The following EFCAB13 variants were observed in gnomAD, a reference collection of about 807,000 sequenced individuals.
EFCAB13 encodes the protein EF-hand calcium binding domain 13.
In EFCAB13, 91 loss-of-function variants were observed where a neutral mutation model predicts 110.2. The observed-to-expected ratio is 0.83, with a 90% CI of 0.70 to 0.98. The LOEUF is 0.98. EFCAB13 is among the 50% of genes least tolerant of loss of function. The pLI is 0.00. For missense variants in EFCAB13, 968 were observed against 1,119.4 expected (o/e 0.86, Z 1.93); for synonymous variants, 323 against 369.9 (o/e 0.87, Z 1.45).
chr17:47,429,127 C>G (rs1448673977), intron 23 of EFCAB13, among the ~76,000 whole-genome samples: 1 of 152,060 alleles, frequency 6.6e-6, no homozygotes, highest in African/African-American at 2.4e-5. Flanking sequence ...CAACTGGGAC[C>G]AGTTTGACTA....
At chr17:47,436,528 T>G (rs1349906951) in intron 24 of EFCAB13, among the ~76,000 whole-genome samples, 1 of 152,144 alleles carries the variant, frequency 6.6e-6, no homozygotes, top group Non-Finnish European at 1.5e-5. Flanking sequence ...AATGTATCCA[T>G]GTCTTCTAGG....
At chr17:47,423,931 C>A (rs1206065159) in intron 23 of EFCAB13, among the ~76,000 whole-genome samples, 2 of 151,992 alleles carry the variant, frequency 1.3e-5, no homozygotes, top group East Asian at 3.9e-4. Flanking sequence ...CGGCCAGCTC[C>A]GTCTACGCGC....
At chr17:47,401,081 C>A (rs1374834325) in intron 17 of EFCAB13, among the ~76,000 whole-genome samples, 2 of 152,228 alleles carry the variant, frequency 1.3e-5, no homozygotes, top group African/African-American at 4.8e-5. Context: ...ATATATAGGA[C>A]TCTACTAAAT....
At chr17:47,378,043 A>G in intron 13 of EFCAB13, 140 bp downstream of exon 13, 1 of 797,008 alleles carries the variant, frequency 1.3e-6, no homozygotes, top group Non-Finnish European at 1.8e-6. Context: ...CAGATATAAA[A>G]ATGGAAAATA....
chr17:47,390,578 GTTA>G (rs2065701206), intron 14 of EFCAB13, among the ~76,000 whole-genome samples: 1 of 152,026 alleles, frequency 6.6e-6, no homozygotes, highest in Non-Finnish European at 1.5e-5. Context: ...TAAATTCCAA[GTTA>G]TTATAAGAAG....
chr17:47,348,521 GT>G (rs971857906), intron 9 of EFCAB13, among the ~76,000 whole-genome samples: 2 of 151,862 alleles, frequency 1.3e-5, no homozygotes, highest in African/African-American at 4.8e-5. Context: ...ATAATCTTTT[GT>G]TTTTTTCCCT....
At chr17:47,411,318 T>C (rs1345321947) in intron 21 of EFCAB13, among the ~76,000 whole-genome samples, 1 of 152,240 alleles carries the variant, frequency 6.6e-6, no homozygotes, top group East Asian at 1.9e-4. Flanking sequence ...TTTATTTGCA[T>C]ATACTGTTTC....
chr17:47,325,745 A>G (rs1295792004), intron 2 of EFCAB13, among the ~76,000 whole-genome samples: 1 of 149,796 alleles, frequency 6.7e-6, no homozygotes, highest in Non-Finnish European at 1.5e-5. Flanking sequence ...TTGGCCACCC[A>G]TTCTGTTCCC....
intron 10 of EFCAB13, among the ~76,000 whole-genome samples, chr17:47,367,806 A>T (rs970633921): frequency 1.3e-5 from 2 of 152,128 alleles, no homozygotes; most frequent in Admixed American, 1.3e-4. Flanking sequence ...GCGTGAATGG[A>T]ACCTGTCCCT....
rs780468399 is a variant in EFCAB13, at chr17:47,345,075, A to G, written c.494A>G (p.Tyr165Cys). The stretch of plus-strand genomic sequence containing the variant: ...TTATATGATGAAGTAACCCATGGAT[A>G]TTTACACTCAAAAGAATTAAGTGGT... ...MTLYDEVTHG[Y>C]LHSKELSALH... Residue 165 changes from tyrosine (Y) to cysteine (C), a missense_variant, in exon 8 of 25, where the codon TAT (tyrosine) becomes TGT (cysteine). Transcript: ENST00000331493. 3.1e-6 allele frequency: 5 copies of G among 1,604,096 alleles called. No homozygotes were observed. Among genetic ancestry groups the G allele is most frequent in the Non-Finnish European group, 3.4e-6 (4 of 1,175,270 alleles).
intron 5 of EFCAB13, among the ~76,000 whole-genome samples, chr17:47,339,436 G>A (rs183877330): frequency 2.0e-3 from 308 of 152,106 alleles, no homozygotes; most frequent in African/African-American, 7.0e-3. Flanking sequence ...CTCATAAGGA[G>A]GCAAAACCTA....
Position 47,335,356 on chromosome 17 carries a change from T to A in EFCAB13, c.191T>A (p.Ile64Lys). The A allele has an allele frequency of 6.3e-7, 1 of 1,581,468 alleles. No individual in the cohort carries two copies. Among genetic ancestry groups the A allele is most frequent in the South Asian group, 1.2e-5 (1 of 84,914 alleles). Residue 64 changes from isoleucine to lysine, a missense_variant and splice_region_variant, in exon 5 of 25, where the codon ATA becomes AAA. Physicochemically the swap from Ile to Lys is moderately radical, Grantham distance 102 (BLOSUM62 -3). Coordinates refer to ENST00000331493, the MANE Select transcript of EFCAB13 (RefSeq NM_152347.5). ...AGTTTGAGCCCAGAATATAAAAAAA[T>A]GTAAGTTAAAAACTCTGAACTTACT... The part of the protein sequence containing the change: ...IRSLSPEYKK[I>K]FETSIIFCGE...
At chr17:47,339,961 TATC>T (rs1444411117) in intron 5 of EFCAB13, 1 of 152,108 alleles carries the variant, frequency 6.6e-6, no homozygotes, top group East Asian at 1.9e-4. Flanking sequence ...AAAAGACTAC[TATC>T]AGGGATTCAT....
rs1652844612 is a variant in EFCAB13 at position 47,374,858 on chromosome 17, A to G, written c.1264A>G (p.Lys422Glu). 6.2e-7 allele frequency: 1 copy of G among 1,613,584 alleles called. No individual in the cohort carries two copies. Among genetic ancestry groups the G allele is most frequent in the African/African-American group, 1.3e-5 (1 of 74,898 alleles). Residue 422 changes from lysine to glutamate, a missense_variant, in exon 12 of 25, where the codon AAA (lysine) becomes GAA (glutamate). Coordinates refer to ENST00000331493, the MANE Select transcript of EFCAB13 (RefSeq NM_152347.5). ...TACAAGCCTCAGTAAGTCTCTGGAT[A>G]AAAGTGATATTTCTAGTATCCCAAA... is the stretch of plus-strand genomic sequence containing the variant. ...SSTSLSKSLD[K>E]SDISSIPKLQ...
intron 9 of EFCAB13, among the ~76,000 whole-genome samples, chr17:47,352,035 G>A (rs1307269664): frequency 6.6e-6 from 1 of 151,534 alleles, no homozygotes; most frequent in Non-Finnish European, 1.5e-5. Context: ...CCATGTAGCT[G>A]GGACTACAGG....
intron 9 of EFCAB13, among the ~76,000 whole-genome samples, chr17:47,358,567 CTTTG>C (rs1360196444): frequency 6.6e-6 from 1 of 151,888 alleles, no homozygotes; most frequent in Non-Finnish European, 1.5e-5. Context: ...GCTATTAATC[CTTTG>C]TTATGTATGT....
intron 24 of EFCAB13, among the ~76,000 whole-genome samples, chr17:47,439,772 C>T (rs1598772254): frequency 6.6e-6 from 1 of 152,078 alleles, no homozygotes; most frequent in South Asian, 2.1e-4. Flanking sequence ...ATCCCCCACC[C>T]CCATGAAAAT....
intron 9 of EFCAB13, 37 bp from the exon 10 acceptor site, chr17:47,361,341 T>C (rs1479168897): frequency 6.3e-7 from 1 of 1,599,242 alleles, no homozygotes; most frequent in Admixed American, 1.7e-5. Context: ...CAAGAAAAGC[T>C]GTTGATTCTC....
intron 9 of EFCAB13, among the ~76,000 whole-genome samples, chr17:47,357,406 G>T (rs1033800112): frequency 1.3e-5 from 2 of 151,622 alleles, no homozygotes; most frequent in Non-Finnish European, 2.9e-5. Flanking sequence ...CTATTTTGAC[G>T]TTTTGATAAT....
Sources: gnomAD v4.1 joint callset for allele counts (sites outside exome capture counted in the v4.1 genomes callset) on GRCh38, gnomAD v4.1.1 for gene constraint, MANE v1.5 for transcripts, NCBI Gene and HGNC (gene_info 2026-07-23, HGNC 2026-07-21) for gene names.